The following NUP205 variants were observed in gnomAD, a reference collection of about 807,000 sequenced individuals.
The protein encoded by NUP205 is nucleoporin 205.
A neutral mutation model predicts 253.8 loss-of-function variants in NUP205; 76 were observed. That is an observed-to-expected ratio of 0.30 (90% CI 0.25 to 0.36). The LOEUF is 0.36. Among genes scored for constraint, NUP205 ranks in the 10% least tolerant of loss-of-function variants. The pLI is 1.00. For synonymous variants in NUP205, 832 were observed against 850.1 expected (o/e 0.98, Z 0.37); for missense variants, 2,162 against 2,425.5 (o/e 0.89, Z 2.28).
intron 15 of NUP205, among the ~76,000 whole-genome samples, chr7:135,600,330 A>G (rs1793940246): frequency 6.6e-6 from 1 of 152,158 alleles, no homozygotes; most frequent in African/African-American, 2.4e-5. Context: ...ACCTTCTTTG[A>G]CTATAGTCAC....
intron 38 of NUP205, among the ~76,000 whole-genome samples, chr7:135,641,881 G>A (rs527379698): frequency 3.2e-4 from 49 of 152,180 alleles, no homozygotes; most frequent in African/African-American, 1.2e-3. Flanking sequence ...TGAAGAAAAA[G>A]CAAATGTAGA....
chr7:135,638,237 T>G (rs1331428565), intron 37 of NUP205, among the ~76,000 whole-genome samples, 178 bp downstream of exon 37: 1 of 152,042 alleles, frequency 6.6e-6, no homozygotes, highest in Admixed American at 6.6e-5. Flanking sequence ...TGGTGAAACC[T>G]TGTGTGTACT....
In NUP205 at chr7:135,577,910, A is replaced by G; in HGVS notation, c.763A>G (p.Arg255Gly). 1 of 1,614,164 alleles carries G rather than the reference A, an allele frequency of 6.2e-7. No individual in the cohort carries two copies. Among genetic ancestry groups the G allele is most frequent in the East Asian group, 2.2e-5 (1 of 44,882 alleles). ...DTLLLIGHLE[R>G]VTVEANGSLD... ...TCTCCTCCTCATTGGACATTTGGAA[A>G]GAGTGACAGTTGAGGCTAATGGCTC... Residue 255 changes from arginine (R) to glycine (G), a missense_variant, in exon 6 of 43, where the codon AGA becomes GGA. Arg to Gly is a moderately radical substitution (Grantham distance 125, BLOSUM62 -2). Coordinates refer to ENST00000285968, the MANE Select transcript of NUP205 (RefSeq NM_015135.3).
intron 42 of NUP205, 54 bp from the exon 43 acceptor site, chr7:135,648,350 A>G: frequency 7.0e-7 from 1 of 1,437,484 alleles, no homozygotes. Flanking sequence ...ACTTAGAATA[A>G]AAGAAATATT....
chr7:135,621,959 C>T (rs187163874), intron 30 of NUP205, among the ~76,000 whole-genome samples: 2 of 152,002 alleles, frequency 1.3e-5, no homozygotes, highest in East Asian at 2.0e-4. Context: ...TGCACCACCA[C>T]GCCCCACTAA....
In NUP205 at chr7:135,587,709, A is replaced by C; in HGVS notation, c.1335+18A>C. 1 of 1,562,758 alleles carries C rather than the reference A, an allele frequency of 6.4e-7. No homozygotes were observed. Among genetic ancestry groups the C allele is most frequent in the Non-Finnish European group, 8.7e-7 (1 of 1,148,986 alleles). ...TGCTTTTGGTAAGCCATTATATTAG[A>C]AAGCTTGTCCTCTTTCCCTCCTTTC... is the stretch of plus-strand genomic sequence containing the variant. On this transcript the variant is annotated intron_variant, in intron 9 of 42. Transcript: ENST00000285968.
chr7:135,584,763 A>C, intron 7 of NUP205, 69 bp from the exon 8 acceptor site: 5 of 1,323,284 alleles, frequency 3.8e-6, no homozygotes, highest in Non-Finnish European at 4.3e-6. Flanking sequence ...GCAGAGTATT[A>C]TGAGATATAA....
intron 23 of NUP205, among the ~76,000 whole-genome samples, chr7:135,614,830 C>T (rs73725197): frequency 0.034 from 5,200 of 152,258 alleles, 118 homozygotes; most frequent in Middle Eastern, 0.1. Flanking sequence ...TGAATTCAGA[C>T]TATATTCAGA....
rs745897694 is a variant in NUP205, at chr7:135,573,673, A to C, written c.191A>C (p.His64Pro). The change falls in exon 3 of 43, where the codon CAT becomes CCT. Residue 64 changes from histidine (H) to proline (P), a missense_variant. By Grantham distance (77) the His-to-Pro change is moderately conservative. Transcript: ENST00000285968. Reference sequence around the variant, plus strand: ...TTGTAGCCAAAAAATGTTCAACAGCATGAGAAGGTTCAGAAAGCCAGTACA... The same window carrying C: ...TTGTAGCCAAAAAATGTTCAACAGCCTGAGAAGGTTCAGAAAGCCAGTACA... ...FKNPPKNVQQ[H>P]EKVQKASTEG... The C allele has an allele frequency of 6.2e-7, 1 of 1,610,068 alleles. No individual in the cohort carries two copies. The highest frequency in any genetic ancestry group is 1.7e-5 in the Admixed American group (1 of 58,838).
chr7:135,617,526 T>G, intron 26 of NUP205, 76 bp from the exon 27 acceptor site: 2 of 1,109,536 alleles, frequency 1.8e-6, no homozygotes, highest in Non-Finnish European at 2.7e-6. Context: ...TAGGGCAGTT[T>G]ATGGTAATTG....
At chr7:135,640,664 T>C (rs2129492536) in intron 38 of NUP205, among the ~76,000 whole-genome samples, 1 of 152,314 alleles carries the variant, frequency 6.6e-6, no homozygotes, top group South Asian at 2.1e-4. Context: ...AATCTTAGTT[T>C]GTCATATTAA....
intron 36 of NUP205, among the ~76,000 whole-genome samples, chr7:135,637,526 G>T (rs1423131123): frequency 6.6e-6 from 1 of 152,162 alleles, no homozygotes; most frequent in Non-Finnish European, 1.5e-5. Context: ...TTAGATTTGT[G>T]CCTTGGTAGA....
chr7:135,633,030 A>G (rs1432695845), intron 35 of NUP205, among the ~76,000 whole-genome samples: 3 of 152,090 alleles, frequency 2.0e-5, no homozygotes, highest in African/African-American at 4.8e-5. Context: ...CAAAGCTGCA[A>G]TCGTGGCTCA....
intron 22 of NUP205, 21 bp downstream of exon 22, chr7:135,607,392 T>A: frequency 6.2e-7 from 1 of 1,611,336 alleles, no homozygotes; most frequent in Non-Finnish European, 8.5e-7. Context: ...AACTGCGTTT[T>A]GTGGTACTGA....
chr7:135,627,919 C>G, intron 33 of NUP205, 54 bp from the exon 34 acceptor site: 1 of 1,580,916 alleles, frequency 6.3e-7, no homozygotes, highest in Non-Finnish European at 8.7e-7. Context: ...TAAGGAATTG[C>G]CGAGAGTATA....
At chr7:135,607,128 T>G (rs1794102752) in intron 21 of NUP205, 119 bp from the exon 22 acceptor site, 10 of 1,315,866 alleles carry the variant, frequency 7.6e-6, no homozygotes, top group African/African-American at 4.5e-5. Context: ...TTATCAGTAT[T>G]TGAAAGAGTG....
intron 8 of NUP205, among the ~76,000 whole-genome samples, chr7:135,586,739 G>T (rs1202773106): frequency 6.6e-6 from 1 of 152,126 alleles, no homozygotes; most frequent in African/African-American, 2.4e-5. Context: ...TCAGATCTCT[G>T]TCACAGGTTT....
chr7:135,626,906 A>C (rs1209557662), intron 33 of NUP205, among the ~76,000 whole-genome samples: 2 of 152,224 alleles, frequency 1.3e-5, no homozygotes, highest in African/African-American at 4.8e-5. Context: ...CCTTCCTAGA[A>C]GTAAATAATA....
At position 135,606,818 on chromosome 7, in the gene NUP205, C is replaced by T; in HGVS notation, c.2973C>T (p.Leu991=). 1 of 1,613,752 alleles carries T rather than the reference C, an allele frequency of 6.2e-7. No individual in the cohort carries two copies. The highest frequency in any genetic ancestry group is 8.5e-7 in the Non-Finnish European group (1 of 1,179,694). The change falls in exon 21 of 43, where the codon CTC becomes CTT. Residue 991 remains leucine (L), a synonymous_variant. Transcript: ENST00000285968. The part of the protein sequence containing the change: ...HETRIHILNL[L]ITSLECNPPN... ...CAAGAATCCACATCTTGAATCTTCT[C>T]ATTACCTCTCTGGAATGCAATCCAC...
Sources: gnomAD v4.1 joint callset for allele counts (sites outside exome capture counted in the v4.1 genomes callset) on GRCh38, gnomAD v4.1.1 for gene constraint, MANE v1.5 for transcripts, NCBI Gene and HGNC (gene_info 2026-07-23, HGNC 2026-07-21) for gene names.